The following COL26A1 variants were observed in gnomAD, a reference collection of about 807,000 sequenced individuals.
COL26A1 encodes the protein collagen type XXVI alpha 1 chain, also known as collagen alpha-1(XXVI) chain.
In COL26A1, 41 loss-of-function variants were observed where a neutral mutation model predicts 59.3. The observed-to-expected ratio is 0.69, with a 90% CI of 0.54 to 0.90. COL26A1 has a LOEUF of 0.90. Among genes scored for constraint, COL26A1 ranks in the 40% least tolerant of loss-of-function variants. The pLI, the probability that COL26A1 is intolerant of heterozygous loss-of-function variation, is 0.00. For synonymous variants in COL26A1, 266 were observed against 256.0 expected (o/e 1.04, Z -0.37); for missense variants, 612 against 602.3 (o/e 1.02, Z -0.17).
intron 3 of COL26A1, among the ~76,000 whole-genome samples, chr7:101,478,383 A>G (rs1251282484): frequency 6.6e-6 from 1 of 152,154 alleles, no homozygotes; most frequent in Non-Finnish European, 1.5e-5. Flanking sequence ...CCCAAAACAG[A>G]TGAGCAGAGG....
At chr7:101,519,437 A>G (rs756286587) in intron 3 of COL26A1, among the ~76,000 whole-genome samples, 7 of 152,148 alleles carry the variant, frequency 4.6e-5, no homozygotes, top group Non-Finnish European at 8.8e-5. Context: ...CAGCCTCTCC[A>G]ACAAAAGGAA....
intron 3 of COL26A1, among the ~76,000 whole-genome samples, chr7:101,525,950 T>G (rs1314766128): frequency 6.6e-6 from 1 of 152,218 alleles, no homozygotes; most frequent in Non-Finnish European, 1.5e-5. Context: ...ATCCAGCCAG[T>G]CTCCTTGGGG....
chr7:101,454,402 G>A (rs1462902085), intron 3 of COL26A1, among the ~76,000 whole-genome samples: 1 of 151,686 alleles, frequency 6.6e-6, no homozygotes, highest in Non-Finnish European at 1.5e-5. Context: ...GGGATTACAG[G>A]TGCCCGCCAC....
chr7:101,432,674 G>A (rs1380825131), intron 2 of COL26A1, among the ~76,000 whole-genome samples: 1 of 152,148 alleles, frequency 6.6e-6, no homozygotes, highest in Non-Finnish European at 1.5e-5. Flanking sequence ...ATCCTAAGAT[G>A]CCATTGGTAG....
chr7:101,374,050 G>A (rs1006122516), intron 1 of COL26A1, among the ~76,000 whole-genome samples: 1 of 152,142 alleles, frequency 6.6e-6, no homozygotes, highest in Non-Finnish European at 1.5e-5. Flanking sequence ...GAGGATTTTC[G>A]GGAATGTTAG....
rs978390512 is a variant in COL26A1 at position 101,555,393 on chromosome 7, C to T, written c.1081-394C>T. Among the ~76,000 whole-genome samples the T allele has an allele frequency of 1.1e-4, 16 of 152,164 alleles. No individual in the cohort carries two copies. The East Asian group carries it at 1.2e-3, about 11-fold the overall frequency. On this transcript the variant is annotated intron_variant, in intron 11 of 12. Coordinates refer to ENST00000313669, the MANE Select transcript of COL26A1 (RefSeq NM_001278563.3). Reference sequence around the variant, plus strand: ...AAACAAGCAAAGAACTTCCTACCTTCGGGCCCTGGGATAGGTGCTCTGTCC... The same window carrying T: ...AAACAAGCAAAGAACTTCCTACCTTTGGGCCCTGGGATAGGTGCTCTGTCC...
intron 2 of COL26A1, among the ~76,000 whole-genome samples, chr7:101,438,012 C>CCCCTTTCTTTCCTGAGCTGATT (rs1305589665): frequency 9.2e-5 from 14 of 151,674 alleles, no homozygotes; most frequent in Admixed American, 2.0e-4. Context: ...TGTGCCTGGC[C>CCCCTTTCTTTCCTGAGCTGATT]TTGTCCTGAG....
At chr7:101,388,879 C>T (rs141876541) in intron 1 of COL26A1, 227 of 161,090 alleles carry the variant, frequency 1.4e-3, no homozygotes, top group African/African-American at 5.1e-3. Context: ...TTTTTCTTTT[C>T]AGCCTTGGAC....
At chr7:101,418,873 A>G (rs1041384700) in intron 1 of COL26A1, among the ~76,000 whole-genome samples, 3 of 151,352 alleles carry the variant, frequency 2.0e-5, no homozygotes, top group African/African-American at 7.3e-5. Context: ...TCCACTGCCC[A>G]AGCTTGCTGC....
At chr7:101,385,515 C>T (rs976292106) in intron 1 of COL26A1, among the ~76,000 whole-genome samples, 1 of 151,498 alleles carries the variant, frequency 6.6e-6, no homozygotes, top group Non-Finnish European at 1.5e-5. Context: ...GGATCACAGG[C>T]ATCCGCCACC....
At chr7:101,531,769 G>GT (rs1350948386) in intron 3 of COL26A1, among the ~76,000 whole-genome samples, 2 of 151,432 alleles carry the variant, frequency 1.3e-5, no homozygotes, top group African/African-American at 4.9e-5. Context: ...ATCGCCCTTT[G>GT]TTTTTTGTTT....
chr7:101,514,718 C>T lies in COL26A1; in HGVS notation c.386-18364C>T, dbSNP rs140841986. 2.2e-3 allele frequency among the ~76,000 whole-genome samples: 342 copies of T among 152,296 alleles called. 1 individual carries two copies. Among genetic ancestry groups the T allele is most frequent in the African/African-American group, 7.8e-3 (326 of 41,572 alleles). On this transcript the variant is annotated intron_variant, in intron 3 of 12. Coordinates refer to ENST00000313669, the MANE Select transcript of COL26A1 (RefSeq NM_001278563.3). ...GCCTGGGCCCAGCCTGCAGAACTGGCGGGCAGGAGAGAAGGAGAAAGGGGA... is the reference window on the plus strand; with the variant it reads ...GCCTGGGCCCAGCCTGCAGAACTGGTGGGCAGGAGAGAAGGAGAAAGGGGA...
At chr7:101,551,460 A>G (rs1324715346) in intron 10 of COL26A1, among the ~76,000 whole-genome samples, 5 of 152,206 alleles carry the variant, frequency 3.3e-5, no homozygotes, top group Admixed American at 3.3e-4. Context: ...TGACCTGGGA[A>G]GTCCCTTCTT....
chr7:101,490,062 AAGT>A (rs1193758774), intron 3 of COL26A1, among the ~76,000 whole-genome samples: 1 of 150,572 alleles, frequency 6.6e-6, no homozygotes, highest in East Asian at 2.0e-4. Flanking sequence ...TCAGCCTCTC[AAGT>A]AGCTGGGACT....
At chr7:101,537,841 C>T (rs1055897001) in intron 4 of COL26A1, among the ~76,000 whole-genome samples, 18 of 152,174 alleles carry the variant, frequency 1.2e-4, no homozygotes, top group African/African-American at 4.3e-4. Flanking sequence ...TGCCTCCTCT[C>T]ATGGTCCTCT....
intron 3 of COL26A1, among the ~76,000 whole-genome samples, chr7:101,452,233 A>G (rs2130392378): frequency 6.6e-6 from 1 of 152,214 alleles, no homozygotes; most frequent in East Asian, 1.9e-4. Flanking sequence ...GACTGAGTGG[A>G]TGAAACACAG....
intron 3 of COL26A1, among the ~76,000 whole-genome samples, chr7:101,456,157 T>C (rs943541384): frequency 2.0e-5 from 2 of 101,864 alleles, no homozygotes; most frequent in African/African-American, 7.2e-5. Context: ...TGTAAGTATA[T>C]ATATATATAT....
intron 2 of COL26A1, among the ~76,000 whole-genome samples, chr7:101,421,928 C>A (rs1255153305): frequency 3.9e-5 from 6 of 152,044 alleles, no homozygotes; most frequent in Non-Finnish European, 8.8e-5. Flanking sequence ...CACTTGAGAC[C>A]CCTATTGCAT....
chr7:101,520,542 C>A (rs558425671), intron 3 of COL26A1, among the ~76,000 whole-genome samples: 3 of 151,962 alleles, frequency 2.0e-5, no homozygotes, highest in African/African-American at 7.2e-5. Context: ...TAAAAATTAG[C>A]TGGGCATGGT....
Sources: gnomAD v4.1 joint callset for allele counts (sites outside exome capture counted in the v4.1 genomes callset) on GRCh38, gnomAD v4.1.1 for gene constraint, MANE v1.5 for transcripts, NCBI Gene and HGNC (gene_info 2026-07-23, HGNC 2026-07-21) for gene names.